Variants in GPATCH1 observed in about 807,000 individuals in gnomAD.
The protein encoded by GPATCH1 is G patch domain-containing protein 1.
Under a neutral mutation model 114.9 loss-of-function variants are expected in GPATCH1, and 73 were observed. The ratio of observed to expected loss-of-function variants is 0.64; its 90% confidence interval spans 0.53 to 0.77. GPATCH1 has a LOEUF of 0.77. GPATCH1 is among the 30% of genes least tolerant of loss of function. GPATCH1 has a pLI of 0.00. For missense variants in GPATCH1, 1,058 were observed against 1,144.3 expected, an observed-to-expected ratio of 0.92 and a Z score of 1.09; for synonymous variants, 391 against 428.4, an observed-to-expected ratio of 0.91 and a Z score of 1.08.
intron 4 of GPATCH1, 118 bp from the exon 5 acceptor site, chr19:33,094,054 G>A: frequency 3.0e-6 from 2 of 658,468 alleles, no homozygotes; most frequent in Non-Finnish European, 5.5e-6. Flanking sequence ...ATGTGGGTGA[G>A]GGCAAGGGCC....
intron 2 of GPATCH1, among the ~76,000 whole-genome samples, 181 bp from the exon 3 acceptor site, chr19:33,090,599 G>T (rs566335008): frequency 6.6e-6 from 1 of 151,990 alleles, no homozygotes; most frequent in South Asian, 2.1e-4. Context: ...TTACATCAGG[G>T]GATACAGGGA....
chr19:33,087,845 G>A (rs1026892735), intron 1 of GPATCH1, among the ~76,000 whole-genome samples: 1 of 151,656 alleles, frequency 6.6e-6, no homozygotes, highest in African/African-American at 2.4e-5. Flanking sequence ...CACCACGCCC[G>A]GTTAATTTTT....
intron 16 of GPATCH1, 140 bp from the exon 17 acceptor site, chr19:33,118,870 A>T (rs1972945311): frequency 1.8e-6 from 1 of 563,336 alleles, no homozygotes; most frequent in African/African-American, 1.9e-5. Context: ...CTGCGTGTTC[A>T]CTGCTGCATC....
At chr19:33,112,936 T>C (rs530134248) in intron 13 of GPATCH1, 36 of 191,064 alleles carry the variant, frequency 1.9e-4, no homozygotes, top group Non-Finnish European at 3.7e-4. Flanking sequence ...ATGTTACTTA[T>C]GTTTTTAAAT....
rs903425177 is a variant in GPATCH1, at chr19:33,106,886, G to T, written c.1272G>T (p.Glu424Asp). The T allele has an allele frequency of 1.2e-6, 2 of 1,612,992 alleles. No homozygotes were observed. Among genetic ancestry groups the T allele is most frequent in the Non-Finnish European group, 1.7e-6 (2 of 1,179,024 alleles). ...NASKRAELLG[E>D]TPIQGSATSV... is the part of the protein sequence containing the mutation. The stretch of plus-strand genomic sequence containing the variant: ...CCAAACGGGCTGAGTTGCTTGGAGA[G>T]ACGCCTATTCAAGGTATGTGCCATG... The change falls in exon 10 of 20, where the codon GAG becomes GAT. Residue 424 changes from glutamate (E) to aspartate (D), a missense_variant. This residue lies in a region of GPATCH1 where 893 missense variants were observed against 977.4 expected (regional missense o/e 0.91). Coordinates refer to ENST00000170564, the MANE Select transcript of GPATCH1 (RefSeq NM_018025.3).
intron 9 of GPATCH1, among the ~76,000 whole-genome samples, chr19:33,103,613 A>G (rs770833698): frequency 6.6e-6 from 1 of 152,154 alleles, no homozygotes; most frequent in Non-Finnish European, 1.5e-5. Flanking sequence ...AGGCAGGAGA[A>G]TTACTTGAGC....
intron 1 of GPATCH1, among the ~76,000 whole-genome samples, chr19:33,082,470 G>A (rs1046265423): frequency 6.6e-6 from 1 of 152,068 alleles, no homozygotes; most frequent in Non-Finnish European, 1.5e-5. Flanking sequence ...CTCCACTTAT[G>A]CCCCCTTTAT....
chr19:33,114,129 G>T, intron 14 of GPATCH1, 124 bp from the exon 15 acceptor site: 1 of 987,210 alleles, frequency 1.0e-6, no homozygotes, highest in Non-Finnish European at 1.6e-6. Context: ...ACCTCCCCAG[G>T]ACCCTACACA....
intron 17 of GPATCH1, among the ~76,000 whole-genome samples, chr19:33,119,355 A>C (rs1972951207): frequency 6.6e-6 from 1 of 152,134 alleles, no homozygotes; most frequent in South Asian, 2.1e-4. Context: ...GGAGGGTCCT[A>C]AGTATCTTAA....
chr19:33,095,878 CT>C, intron 6 of GPATCH1, 58 bp downstream of exon 6: 1 of 1,254,256 alleles, frequency 8.0e-7, no homozygotes, highest in South Asian at 1.2e-5. Context: ...TTCTGTATGA[CT>C]GTGAAATTTG....
intron 19 of GPATCH1, among the ~76,000 whole-genome samples, chr19:33,127,519 TAA>T (rs60093662): frequency 5.5e-4 from 58 of 106,368 alleles, no homozygotes; most frequent in Admixed American, 8.2e-4. Flanking sequence ...CTTGTCTCAA[TAA>T]AAAAAAAAAA....
intron 1 of GPATCH1, among the ~76,000 whole-genome samples, chr19:33,084,027 C>G (rs905348266): frequency 6.6e-6 from 1 of 152,166 alleles, no homozygotes; most frequent in African/African-American, 2.4e-5. Context: ...CCAGGCTGGA[C>G]TCGAACTTCT....
At chr19:33,120,169 TATATATTCATATATAAATACATATTAAA>T (rs1972963947) in intron 17 of GPATCH1, among the ~76,000 whole-genome samples, 1 of 140,674 alleles carries the variant, frequency 7.1e-6, no homozygotes, top group South Asian at 2.1e-4. Context: ...TTAAAATAAA[TATATATTCATATATAAATACATATTAAA>T]ATATATTCAT....
At chr19:33,088,535 A>G (rs996371121) in intron 2 of GPATCH1, among the ~76,000 whole-genome samples, 1 of 151,254 alleles carries the variant, frequency 6.6e-6, no homozygotes, top group Non-Finnish European at 1.5e-5. Context: ...CTTTTAGTAG[A>G]GACAGGAGTT....
chr19:33,098,731 T>C (rs1287212491), intron 8 of GPATCH1, among the ~76,000 whole-genome samples: 1 of 152,162 alleles, frequency 6.6e-6, no homozygotes, highest in Non-Finnish European at 1.5e-5. Flanking sequence ...TCCCAAAGAC[T>C]GAAGAAGTGG....
intron 11 of GPATCH1, among the ~76,000 whole-genome samples, chr19:33,110,297 G>A (rs537560030): frequency 6.6e-6 from 1 of 152,322 alleles, no homozygotes; most frequent in Admixed American, 6.5e-5. Flanking sequence ...GTGTTTGCAA[G>A]TGCTTGACTG....
intron 9 of GPATCH1, among the ~76,000 whole-genome samples, chr19:33,105,557 T>A (rs1286370201): frequency 2.0e-5 from 3 of 152,062 alleles, no homozygotes; most frequent in Non-Finnish European, 4.4e-5. Context: ...GGAGTCTCAC[T>A]CTGTCACCCA....
chr19:33,106,793 A>G lies in GPATCH1; in HGVS notation c.1179A>G (p.Val393=). 6.2e-7 allele frequency: 1 copy of G among 1,613,944 alleles called. No homozygotes were observed. The highest frequency in any genetic ancestry group is 8.5e-7 in the Non-Finnish European group (1 of 1,179,952). ...CCGAGAACTCACACTTACTGCAGGT[A>G]TTATCAGAGTCAGCTGGAAAGGCAA... ...ATSENSHLLQ[V]LSESAGKATP... Residue 393 remains valine, a synonymous_variant, in exon 10 of 20, where the codon GTA becomes GTG. Coordinates refer to ENST00000170564, the MANE Select transcript of GPATCH1 (RefSeq NM_018025.3).
intron 2 of GPATCH1, 60 bp downstream of exon 2, chr19:33,088,328 C>A: frequency 2.5e-6 from 3 of 1,206,290 alleles, no homozygotes; most frequent in South Asian, 1.4e-5. Flanking sequence ...AATATTGATT[C>A]TCCCTCACCC....
Sources: allele counts gnomAD v4.1 joint callset (sites outside exome capture counted in the v4.1 genomes callset), GRCh38; gene constraint gnomAD v4.1.1; regional missense constraint gnomAD v4.1.1; transcripts MANE v1.5; gene names NCBI Gene and HGNC (gene_info 2026-07-23, HGNC 2026-07-21).